Variants in KSR2 observed in about 807,000 individuals in gnomAD.
The protein encoded by KSR2 is kinase suppressor of ras 2.
Under a neutral mutation model 107.8 loss-of-function variants are expected in KSR2, and 25 were observed. The observed-to-expected ratio is 0.23, with a 90% CI of 0.17 to 0.32. The LOEUF (loss-of-function observed/expected upper bound fraction) is 0.32. Among genes scored for constraint, KSR2 ranks in the 10% least tolerant of loss-of-function variants. The pLI is 1.00. For missense variants in KSR2, 887 were observed against 1,268.9 expected, an observed-to-expected ratio of 0.70 and a Z score of 4.57; for synonymous variants, 480 against 507.0, an observed-to-expected ratio of 0.95 and a Z score of 0.71.
chr12:117,899,076 T>G (rs1894602547), intron 1 of KSR2, among the ~76,000 whole-genome samples: 1 of 152,194 alleles, frequency 6.6e-6, no homozygotes, highest in South Asian at 2.1e-4. Flanking sequence ...CGTGGATATA[T>G]CACTGATACT....
At chr12:117,844,442 AC>A (rs1390575073) in intron 3 of KSR2, among the ~76,000 whole-genome samples, 2 of 151,088 alleles carry the variant, frequency 1.3e-5, no homozygotes, top group African/African-American at 2.4e-5. Context: ...AGAAAAAAAA[AC>A]AACTTGCTGA....
intron 14 of KSR2, among the ~76,000 whole-genome samples, chr12:117,500,389 C>T (rs1000403663): frequency 1.3e-5 from 2 of 152,152 alleles, no homozygotes; most frequent in African/African-American, 2.4e-5. Context: ...AACCTCACCA[C>T]GAGGACTCTG....
intron 1 of KSR2, among the ~76,000 whole-genome samples, chr12:117,965,552 A>G (rs1410987148): frequency 6.6e-6 from 1 of 152,218 alleles, no homozygotes; most frequent in African/African-American, 2.4e-5. Context: ...TATACATGCT[A>G]TTAAGTGCTG....
rs906266340 is a variant in KSR2 at position 117,740,715 on chromosome 12, C to T, written c.986+20296G>A. Reference sequence around the variant, plus strand: ...TATACACCACAATTTATCCACTCATCGATTGATAAGCATTTGGGCTGGTTC... The same window carrying T: ...TATACACCACAATTTATCCACTCATTGATTGATAAGCATTTGGGCTGGTTC... On this transcript the variant is annotated intron_variant, in intron 4 of 19. Transcript: ENST00000339824. 2.7e-5 allele frequency among the ~76,000 whole-genome samples: 4 copies of T among 148,598 alleles called. No homozygotes were observed. The South Asian group carries it at 6.3e-4, about 23-fold the overall frequency.
At chr12:117,612,928 T>C (rs1431222494) in intron 5 of KSR2, among the ~76,000 whole-genome samples, 2 of 152,236 alleles carry the variant, frequency 1.3e-5, no homozygotes, top group Non-Finnish European at 2.9e-5. Flanking sequence ...TGGAAAGATG[T>C]ACCTTGCTTC....
At chr12:117,819,160 G>A (rs973110295) in intron 3 of KSR2, among the ~76,000 whole-genome samples, 18 of 152,084 alleles carry the variant, frequency 1.2e-4, no homozygotes, top group Admixed American at 6.5e-4. Context: ...GTAGCATCAG[G>A]CTCAGGGGAA....
At chr12:117,962,854 C>T (rs1896696381) in intron 1 of KSR2, among the ~76,000 whole-genome samples, 1 of 152,012 alleles carries the variant, frequency 6.6e-6, no homozygotes. Flanking sequence ...ATATCAATTT[C>T]AAGTTTCAGG....
intron 9 of KSR2, among the ~76,000 whole-genome samples, 152 bp downstream of exon 9, chr12:117,555,017 A>C (rs577832252): frequency 6.6e-6 from 1 of 152,208 alleles, no homozygotes; most frequent in South Asian, 2.1e-4. Flanking sequence ...GACGTCCCTC[A>C]AGCTTTACTC....
intron 5 of KSR2, among the ~76,000 whole-genome samples, chr12:117,655,749 A>C (rs1259246879): frequency 6.6e-6 from 1 of 152,202 alleles, no homozygotes; most frequent in Non-Finnish European, 1.5e-5. Context: ...TTAAGTCAAC[A>C]GGCTAAGAAG....
In KSR2 at chr12:117,813,247, C is replaced by A. The variant is rs1415417372; in HGVS notation, c.472+42181G>T. On this transcript the variant is annotated intron_variant, in intron 3 of 19. Transcript: ENST00000339824. ...GGAAGGGATTTTATGAATAAGTCCT[C>A]ATAAATACAGGCAACAAAAGCAAAA... Among the ~76,000 whole-genome samples the A allele has an allele frequency of 3.9e-5, 6 of 152,130 alleles. No individual in the cohort carries two copies. In the South Asian group the frequency reaches 1.0e-3, roughly 26 times the overall value.
intron 4 of KSR2, 33 bp downstream of exon 4, chr12:117,760,978 G>A (rs1219540295): frequency 1.9e-6 from 3 of 1,610,960 alleles, no homozygotes; most frequent in South Asian, 2.2e-5. Context: ...GCCGGGTTTC[G>A]ACCGCCCCAG....
At chr12:117,578,326 G>T (rs1879410353) in intron 7 of KSR2, among the ~76,000 whole-genome samples, 1 of 152,130 alleles carries the variant, frequency 6.6e-6, no homozygotes, top group Admixed American at 6.5e-5. Context: ...AGGCACGGTG[G>T]CTCCCGCCTG....
intron 5 of KSR2, among the ~76,000 whole-genome samples, chr12:117,628,407 T>A (rs1882633593): frequency 1.3e-5 from 2 of 152,198 alleles, no homozygotes; most frequent in Non-Finnish European, 2.9e-5. Context: ...TTTGTTGATG[T>A]TTATGCTATT....
chr12:117,959,173 A>G (rs1005385783), intron 1 of KSR2, among the ~76,000 whole-genome samples: 1 of 152,186 alleles, frequency 6.6e-6, no homozygotes, highest in Non-Finnish European at 1.5e-5. Context: ...AAATTGGTTC[A>G]TGGTCTATTA....
intron 14 of KSR2, among the ~76,000 whole-genome samples, chr12:117,512,530 G>T (rs1304288937): frequency 6.6e-6 from 1 of 152,038 alleles, no homozygotes; most frequent in East Asian, 1.9e-4. Context: ...GAAACTCTGG[G>T]GGTAGGACCC....
intron 16 of KSR2, among the ~76,000 whole-genome samples, chr12:117,478,038 T>A (rs1232119343): frequency 6.6e-6 from 1 of 152,144 alleles, no homozygotes; most frequent in Non-Finnish European, 1.5e-5. Context: ...TCAAGACTCC[T>A]AGGAACTGGC....
intron 1 of KSR2, among the ~76,000 whole-genome samples, chr12:117,939,942 AAAACACAC>A (rs965506110): frequency 4.2e-5 from 4 of 95,444 alleles, no homozygotes; most frequent in Non-Finnish European, 8.1e-5. Flanking sequence ...CTCCATCTTA[AAAACACAC>A]ACACACACAC....
chr12:117,585,359 C>T (rs1338205065), intron 5 of KSR2, among the ~76,000 whole-genome samples: 1 of 152,092 alleles, frequency 6.6e-6, no homozygotes, highest in Non-Finnish European at 1.5e-5. Context: ...AGGTTCATAG[C>T]CTAGTTATTC....
At chr12:117,962,015 T>C (rs1432664735) in intron 1 of KSR2, among the ~76,000 whole-genome samples, 1 of 151,870 alleles carries the variant, frequency 6.6e-6, no homozygotes, top group Non-Finnish European at 1.5e-5. Flanking sequence ...TGCAGTGACA[T>C]GTGGCTGTAG....
Sources: gnomAD v4.1 joint callset for allele counts (sites outside exome capture counted in the v4.1 genomes callset) on GRCh38, gnomAD v4.1.1 for gene constraint, MANE v1.5 for transcripts, NCBI Gene and HGNC (gene_info 2026-07-23, HGNC 2026-07-21) for gene names.